Variants in ZNF48 observed in about 807,000 individuals in gnomAD.
The protein encoded by ZNF48 is zinc finger protein 48, also known as zinc finger protein 553.
Under a neutral mutation model 40.0 loss-of-function variants are expected in ZNF48, and 20 were observed. The observed-to-expected ratio is 0.50, with a 90% CI of 0.35 to 0.73. The LOEUF (loss-of-function observed/expected upper bound fraction) is 0.73, where lower values mean the gene tolerates loss of function less well. Among genes scored for constraint, ZNF48 ranks in the 30% least tolerant of loss-of-function variants. ZNF48 has a pLI of 0.01. For missense variants in ZNF48, 726 were observed against 851.9 expected (o/e 0.85, Z 1.84); for synonymous variants, 298 against 329.7 (o/e 0.90, Z 1.04).
At chr16:30,389,401 AAAAAAT>A (rs1567430091) in intron 1 of ZNF48, among the ~76,000 whole-genome samples, 2 of 149,800 alleles carry the variant, frequency 1.3e-5, no homozygotes, top group Admixed American at 6.7e-5. Context: ...AAAAAAAAAA[AAAAAAT>A]AATAATAATA....
In ZNF48 at chr16:30,398,641, C is replaced by G. The variant is rs377516311; in HGVS notation, c.1391C>G (p.Ser464Cys). The G allele has an allele frequency of 3.1e-6, 5 of 1,613,498 alleles. No homozygotes were observed. In the African/African-American group the frequency reaches 5.3e-5, roughly 17 times the overall value. Residue 464 changes from serine (S) to cysteine (C), a missense_variant, in exon 3 of 3, where the codon TCT (serine) becomes TGT (cysteine). Physicochemically the swap from Ser to Cys is moderately radical, Grantham distance 112. Coordinates refer to ENST00000613509, the MANE Select transcript of ZNF48 (RefSeq NM_001214909.2). The surrounding 1 kb of genome is among the most constrained non-coding windows in gnomAD (Gnocchi z 6.6). Reference protein sequence around the residue: ...PECGKGFRRSSDLVKHHRVHT... With the variant: ...PECGKGFRRSCDLVKHHRVHT... ...TGTGGCAAGGGCTTCCGCCGAAGCT[C>G]TGACCTGGTGAAACACCATCGTGTG...
chr16:30,398,142 T>C lies in ZNF48; in HGVS notation c.892T>C (p.Leu298=). 2 of 1,613,826 alleles carry C rather than the reference T, an allele frequency of 1.2e-6. No homozygotes were observed. The highest frequency in any genetic ancestry group is 1.1e-5 in the South Asian group (1 of 91,056). Residue 298 remains leucine, a synonymous_variant, in exon 3 of 3, where the codon TTG becomes CTG. Coordinates refer to ENST00000613509, the MANE Select transcript of ZNF48 (RefSeq NM_001214909.2). The surrounding 1 kb of genome is among the most constrained non-coding windows in gnomAD (Gnocchi z 6.6). ...CCTCCTGAGTCACCAGCGTAGTCACTTGGGGCCCAAGCCCTTTGGCTGTGA... is the reference window on the plus strand; with the variant it reads ...CCTCCTGAGTCACCAGCGTAGTCACCTGGGGCCCAAGCCCTTTGGCTGTGA... ...CSLLSHQRSH[L]GPKPFGCDVC...
At chr16:30,390,600 GGTTTTTTTTTTTTTTTTT>G (rs2049934708), upstream of ZNF48, among the ~76,000 whole-genome samples, 2 of 103,786 alleles carry the variant, frequency 1.9e-5, no homozygotes, top group Non-Finnish European at 3.7e-5. Context: ...AGTAGAGACG[GGTTTTTTTTTTTTTTTTT>G]TTTTTTTTTT....
At chr16:30,388,102 G>T (rs191959008) in intron 1 of ZNF48, among the ~76,000 whole-genome samples, 1 of 151,822 alleles carries the variant, frequency 6.6e-6, no homozygotes, top group Non-Finnish European at 1.5e-5. Context: ...AAGTAGCTGG[G>T]ATTGATTACA....
chr16:30,379,387 G>A (rs374254859), intron 1 of ZNF48: 2 of 1,538,872 alleles, frequency 1.3e-6, no homozygotes, highest in African/African-American at 2.7e-5. Flanking sequence ...TGACCCAGAG[G>A]CCCCGGGCTC....
upstream of ZNF48, among the ~76,000 whole-genome samples, chr16:30,392,542 CTG>C (rs1567431448): frequency 6.6e-6 from 1 of 152,182 alleles, no homozygotes; most frequent in Non-Finnish European, 1.5e-5. Flanking sequence ...CAGGCAGAGT[CTG>C]GACTTTGCCG....
intron 1 of ZNF48, among the ~76,000 whole-genome samples, chr16:30,389,572 CAAA>C (rs1250778121): frequency 1.9e-5 from 1 of 53,610 alleles, no homozygotes; most frequent in Non-Finnish European, 3.8e-5. Flanking sequence ...GACTCTGTCT[CAAA>C]AAAAAAAAAA....
In ZNF48 at chr16:30,389,687, C is replaced by A. The variant is rs77238410; in HGVS notation, c.-15-6093C>A. ...GCTTATTAATTCCAACTAATTATGG[C>A]GAATCATTCATATGATATTTGGGGC... is the stretch of plus-strand genomic sequence containing the variant. On this transcript the variant is annotated intron_variant, in intron 1 of 2. Transcript: ENST00000528032. Among the ~76,000 whole-genome samples, 7 of 151,470 alleles carry A rather than the reference C, an allele frequency of 4.6e-5. No individual in the cohort carries two copies. The South Asian group carries it at 1.5e-3, about 32-fold the overall frequency.
chr16:30,395,766 G>T lies in ZNF48; in HGVS notation c.-15-14G>T. The T allele has an allele frequency of 6.6e-7, 1 of 1,515,678 alleles. No homozygotes were observed. The highest frequency in any genetic ancestry group is 8.8e-7 in the Non-Finnish European group (1 of 1,132,612). The allele number at this position is 1,515,678 out of a possible 1,614,324, so 93.9% of individuals were successfully genotyped here. The stretch of plus-strand genomic sequence containing the variant: ...GCTGCGTGACCGCGGGATGCTGTCT[G>T]TCCCCTTGCTCAGGGCGGCGTGCCG... On this transcript the variant is annotated splice_polypyrimidine_tract_variant and intron_variant, in intron 1 of 2. Transcript: ENST00000613509. The surrounding 1 kb of genome is among the most constrained non-coding windows in gnomAD (Gnocchi z 5.9).
chr16:30,399,588 A>G lies in ZNF48; in HGVS notation c.*481A>G, dbSNP rs1205422904. On this transcript the variant is annotated 3_prime_UTR_variant, in exon 3 of 3. Coordinates refer to ENST00000613509, the MANE Select transcript of ZNF48 (RefSeq NM_001214909.2). ...CCTCCCAACCTTGCTCTGGGAGACC[A>G]ATGCCTGAACCAGGGTTTGTTTACC... is the stretch of plus-strand genomic sequence containing the variant. 1 of 153,594 alleles carries G rather than the reference A, an allele frequency of 6.5e-6. No individual in the cohort carries two copies. Among genetic ancestry groups the G allele is most frequent in the Non-Finnish European group, 1.4e-5 (1 of 69,114 alleles). The allele number at this position is 153,594 out of a possible 1,614,324, so 9.5% of individuals were successfully genotyped here. A position where few individuals can be genotyped will look rare whatever the true frequency, so the allele number is the denominator to read the frequency against.
chr16:30,392,510 G>T (rs2049950831), upstream of ZNF48, among the ~76,000 whole-genome samples: 2 of 152,160 alleles, frequency 1.3e-5, no homozygotes, highest in African/African-American at 4.8e-5. Flanking sequence ...ACTGCCTGGA[G>T]TTGTTCATTC....
chr16:30,379,472 C>T (rs1425707675), intron 1 of ZNF48: 3 of 1,613,924 alleles, frequency 1.9e-6, no homozygotes, highest in Admixed American at 3.3e-5. Flanking sequence ...GTCCCCTCAC[C>T]GGCCGGTTCC....
In ZNF48 at chr16:30,379,502, G is replaced by A. The variant is rs781120091; in HGVS notation, c.-16+1092G>A. 19 of 1,613,664 alleles carry A rather than the reference G, an allele frequency of 1.2e-5. No homozygotes were observed. In the South Asian group the frequency reaches 1.4e-4, roughly 12 times the overall value. ...GGTTCCCGCCATCCCTCACCACCTC[G>A]CATGATCCCACGACTGCAAAAGGGA... On this transcript the variant is annotated intron_variant, in intron 1 of 2. Coordinates refer to the ZNF48 transcript ENST00000528032.
chr16:30,399,929 C>G lies in ZNF48; in HGVS notation c.*822C>G, dbSNP rs2050035496. 6.6e-6 allele frequency: 1 copy of G among 152,350 alleles called. No individual in the cohort carries two copies. The highest frequency in any genetic ancestry group is 2.1e-4 in the South Asian group (1 of 4,834). 9.4% of individuals were successfully genotyped at this position (152,350 alleles called of 1,614,324 possible). On this transcript the variant is annotated 3_prime_UTR_variant, in exon 3 of 3. Coordinates refer to ENST00000613509, the MANE Select transcript of ZNF48 (RefSeq NM_001214909.2). ...GCAGGATGCTCTGAGGCCTGGCAGC[C>G]ACATTTCCATGTGTCTTTTTACCAA...
chr16:30,379,647 T>A, intron 1 of ZNF48: 2 of 573,228 alleles, frequency 3.5e-6, no homozygotes, highest in Non-Finnish European at 5.5e-6. Context: ...CCTCTTTTTT[T>A]TTTTTTTTTT....
chr16:30,378,847 A>AGAGAGAGG, intron 1 of ZNF48: 1 of 530,494 alleles, frequency 1.9e-6, no homozygotes. Flanking sequence ...GCGGGTGGGG[A>AGAGAGAGG]GAGAGGGGGA....
chr16:30,378,314 A>AGCCCGCGCGAGGGCGGC (rs2049778401), exon 1 of ZNF48: 1 of 981,308 alleles, frequency 1.0e-6, no homozygotes, highest in African/African-American at 1.7e-5. Context: ...ACCTCCCCCT[A>AGCCCGCGCGAGGGCGGC]GCCCGCGCGA....
rs1597000705 is a variant in ZNF48, at chr16:30,378,338, G to A, written c.-88G>A. ...TAGCCCGCGCGAGGGCGGCACCCGC[G>A]GAGGTCCCGGGGGGCGCTGGGCAGT... is the stretch of plus-strand genomic sequence containing the variant. On this transcript the variant is annotated 5_prime_UTR_variant, in exon 1 of 3. Transcript: ENST00000528032. The A allele has an allele frequency of 2.8e-5, 34 of 1,213,706 alleles. No individual in the cohort carries two copies. The East Asian group carries it at 7.3e-4, about 26-fold the overall frequency. 75.2% of individuals were successfully genotyped at this position (1,213,706 alleles called of 1,614,324 possible).
At chr16:30,378,842 TGGGGAGAGAG>T (rs2049791936) in intron 1 of ZNF48, 16 of 251,190 alleles carry the variant, frequency 6.4e-5, no homozygotes, top group South Asian at 6.2e-4. Flanking sequence ...GCAAAGCGGG[TGGGGAGAGAG>T]GGGGAGAGAG....
Sources: gnomAD v4.1 joint callset for allele counts (sites outside exome capture counted in the v4.1 genomes callset) on GRCh38, gnomAD v4.1.1 for gene constraint, Gnocchi (gnomAD v3.1) non-coding constraint, MANE v1.5 for transcripts, NCBI Gene and HGNC (gene_info 2026-07-23, HGNC 2026-07-21) for gene names.